USP25: variants seen among roughly 807,000 people sequenced by gnomAD.
USP25 encodes ubiquitin specific peptidase 25.
In USP25, 85 loss-of-function variants were observed where a neutral mutation model predicts 158.5. That is an observed-to-expected ratio of 0.54 (90% CI 0.45 to 0.64). USP25 has a LOEUF of 0.64. Among genes scored for constraint, USP25 ranks in the 30% least tolerant of loss-of-function variants. The probability of loss-of-function intolerance (pLI) is 0.00; values close to 1 mark genes in which losing one functional copy is unlikely to be tolerated. For missense variants in USP25, 1,242 were observed against 1,327.3 expected (o/e 0.94, Z 1.00); for synonymous variants, 464 against 460.4 (o/e 1.01, Z -0.10).
At chr21:15,811,269 G>T in intron 9 of USP25, 59 bp downstream of exon 9, 2 of 1,433,076 alleles carry the variant, frequency 1.4e-6, no homozygotes, top group Non-Finnish European at 9.6e-7. Context: ...TCATTCATTC[G>T]TCTCGATAGT....
intron 20 of USP25, among the ~76,000 whole-genome samples, chr21:15,856,363 C>G (rs934969118): frequency 6.6e-6 from 1 of 152,190 alleles, no homozygotes; most frequent in Non-Finnish European, 1.5e-5. Context: ...CAGTGAGCAT[C>G]TATTCATTGT....
chr21:15,754,428 A>G (rs2033244282), intron 1 of USP25, among the ~76,000 whole-genome samples: 1 of 152,210 alleles, frequency 6.6e-6, no homozygotes, highest in Non-Finnish European at 1.5e-5. Flanking sequence ...CTCATTGATA[A>G]CTTTGAAATG....
chr21:15,824,680 G>A (rs1601035760), intron 11 of USP25, among the ~76,000 whole-genome samples: 1 of 151,976 alleles, frequency 6.6e-6, no homozygotes, highest in Non-Finnish European at 1.5e-5. Context: ...GCAGTGGTGC[G>A]ATCTTGGCTC....
intron 1 of USP25, among the ~76,000 whole-genome samples, chr21:15,761,316 G>A (rs1314020650): frequency 2.0e-5 from 3 of 152,148 alleles, no homozygotes; most frequent in Non-Finnish European, 4.4e-5. Context: ...GGCAGAAGGG[G>A]GCCTCCCCCC....
At chr21:15,851,619 C>T (rs2038893092) in intron 20 of USP25, among the ~76,000 whole-genome samples, 1 of 151,924 alleles carries the variant, frequency 6.6e-6, no homozygotes, top group South Asian at 2.1e-4. Context: ...ATAAATATTA[C>T]TACTTTCTGT....
intron 10 of USP25, 49 bp from the exon 11 acceptor site, chr21:15,823,990 A>C (rs2037366313): frequency 6.4e-7 from 1 of 1,567,976 alleles, no homozygotes; most frequent in Admixed American, 1.8e-5. Context: ...TGCAGTGAAG[A>C]AAACAAAGGT....
chr21:15,872,885 A>G (rs1228857684), intron 23 of USP25, among the ~76,000 whole-genome samples: 1 of 152,012 alleles, frequency 6.6e-6, no homozygotes, highest in African/African-American at 2.4e-5. Context: ...AGAGTTTAAA[A>G]TTGTGTTTCT....
intron 20 of USP25, among the ~76,000 whole-genome samples, chr21:15,862,417 A>G (rs2039464575): frequency 6.6e-6 from 1 of 152,118 alleles, no homozygotes; most frequent in Non-Finnish European, 1.5e-5. Flanking sequence ...TTCTGGTCCC[A>G]GGTATTTCAG....
At chr21:15,760,264 G>A (rs1395961159) in intron 1 of USP25, among the ~76,000 whole-genome samples, 1 of 152,182 alleles carries the variant, frequency 6.6e-6, no homozygotes, top group Admixed American at 6.5e-5. Context: ...TCATTCATTT[G>A]GGAGACACCT....
intron 20 of USP25, among the ~76,000 whole-genome samples, chr21:15,855,328 C>A (rs775797406): frequency 2.0e-5 from 3 of 152,062 alleles, no homozygotes; most frequent in African/African-American, 7.2e-5. Flanking sequence ...TGAAATGTCT[C>A]TTAATCACCT....
chr21:15,831,728 G>C, intron 16 of USP25, 99 bp downstream of exon 16: 1 of 995,066 alleles, frequency 1.0e-6, no homozygotes. Context: ...GACGATGAAG[G>C]ATGTGGTTAG....
rs140614904 is a variant in USP25 at position 15,763,541 on chromosome 21, A to T, written c.123+573A>T. 1.4e-4 allele frequency among the ~76,000 whole-genome samples: 22 copies of T among 152,246 alleles called. No individual in the cohort carries two copies. The East Asian group carries it at 4.1e-3, about 28-fold the overall frequency. On this transcript the variant is annotated intron_variant, in intron 2 of 25. Coordinates refer to ENST00000400183, the MANE Select transcript of USP25 (RefSeq NM_001283041.3). ...TTTCACATCGACATCCAAATGAGTC[A>T]TATCATATGGATACTCACATTGAAA...
At chr21:15,866,235 A>C (rs763283039) in intron 21 of USP25, 31 bp from the exon 22 acceptor site, 1 of 1,514,442 alleles carries the variant, frequency 6.6e-7, no homozygotes, top group African/African-American at 1.4e-5. Flanking sequence ...ACACATACAC[A>C]CACGCTCATA....
chr21:15,845,514 C>G (rs1357675209), intron 18 of USP25, among the ~76,000 whole-genome samples: 1 of 152,048 alleles, frequency 6.6e-6, no homozygotes, highest in Non-Finnish European at 1.5e-5. Context: ...CAGCTTTTAC[C>G]CATGTATTTA....
intron 7 of USP25, among the ~76,000 whole-genome samples, chr21:15,805,812 C>T (rs1568828410): frequency 6.6e-6 from 1 of 151,894 alleles, no homozygotes; most frequent in Non-Finnish European, 1.5e-5. Context: ...AGAAGGAAAA[C>T]AGAGGAAAAA....
Position 15,866,360 on chromosome 21 carries a change from A to G in USP25, c.2805+16A>G. The G allele has an allele frequency of 6.3e-7, 1 of 1,578,516 alleles. No homozygotes were observed. The highest frequency in any genetic ancestry group is 1.2e-5 in the South Asian group (1 of 85,968). Reference sequence around the variant, plus strand: ...GGAATATGAGGTAATGTGCTTTCTTAGAGGTTAAACTACAGATTTAGGGAT... The same window carrying G: ...GGAATATGAGGTAATGTGCTTTCTTGGAGGTTAAACTACAGATTTAGGGAT... On this transcript the variant is annotated intron_variant, in intron 22 of 25. Coordinates refer to ENST00000400183, the MANE Select transcript of USP25 (RefSeq NM_001283041.3).
At position 15,826,095 on chromosome 21, in the gene USP25, T is replaced by C; in HGVS notation, c.1305-109T>C. 1 of 1,159,866 alleles carries C rather than the reference T, an allele frequency of 8.6e-7. No homozygotes were observed. Among genetic ancestry groups the C allele is most frequent in the Non-Finnish European group, 1.2e-6 (1 of 831,716 alleles). The allele number at this position is 1,159,866 out of a possible 1,614,324, so 71.8% of individuals were successfully genotyped here. Reference sequence around the variant, plus strand: ...TTCGTTTTAAAGCAAATGAATTTTATTGCTGAGGAAGTTTTATTGAAGTAT... The same window carrying C: ...TTCGTTTTAAAGCAAATGAATTTTACTGCTGAGGAAGTTTTATTGAAGTAT... On this transcript the variant is annotated intron_variant, in intron 12 of 25. Transcript: ENST00000400183. This position sits in a 1 kb window ranked among gnomAD's most constrained non-coding sequence, Gnocchi z 4.8.
At chr21:15,784,199 C>T (rs961933112) in intron 4 of USP25, among the ~76,000 whole-genome samples, 1 of 152,212 alleles carries the variant, frequency 6.6e-6, no homozygotes, top group African/African-American at 2.4e-5. Context: ...GTAATTCCTT[C>T]CGTCCTCTAA....
chr21:15,751,497 G>A (rs1247694804), intron 1 of USP25, among the ~76,000 whole-genome samples: 1 of 152,092 alleles, frequency 6.6e-6, no homozygotes, highest in African/African-American at 2.4e-5. Flanking sequence ...AGCTAATTAG[G>A]CAAACAAGTA....
Sources: allele counts gnomAD v4.1 joint callset (sites outside exome capture counted in the v4.1 genomes callset), GRCh38; gene constraint gnomAD v4.1.1; non-coding constraint Gnocchi (gnomAD v3.1); transcripts MANE v1.5; gene names NCBI Gene and HGNC (gene_info 2026-07-23, HGNC 2026-07-21).